The following YAF2 variants were observed in gnomAD, a reference collection of about 807,000 sequenced individuals.
YAF2 encodes the protein YY1 associated factor 2.
A neutral mutation model predicts 20.1 loss-of-function variants in YAF2; 7 were observed. The ratio of observed to expected loss-of-function variants is 0.35; its 90% CI spans 0.20 to 0.65. The LOEUF is 0.65. Ranked by LOEUF, YAF2 falls within the 30% of genes least tolerant of loss-of-function variation. The probability of loss-of-function intolerance (pLI) is 0.69; values close to 1 mark genes in which losing one functional copy is unlikely to be tolerated. For missense variants in YAF2, 151 were observed against 219.2 expected (o/e 0.69, Z 1.96); for synonymous variants, 74 against 76.0 (o/e 0.97, Z 0.14).
intron 2 of YAF2, 23 bp downstream of exon 2, chr12:42,237,576 C>G: frequency 1.3e-6 from 2 of 1,495,376 alleles, no homozygotes; most frequent in Non-Finnish European, 1.8e-6. Context: ...GCCGGCGGCG[C>G]GAGGGGCAGG....
In YAF2 at chr12:42,225,885, TTTAAA is replaced by T. The variant is rs200260045; in HGVS notation, c.152+11709_152+11713del. Among the ~76,000 whole-genome samples, 1,310 of 152,314 alleles carry T rather than the reference TTTAAA, an allele frequency of 8.6e-3. 19 individuals carry two copies. The highest frequency in any genetic ancestry group is 0.03 in the African/African-American group (1,255 of 41,560). On this transcript the variant is annotated intron_variant, in intron 2 of 3. Coordinates refer to ENST00000534854, the MANE Select transcript of YAF2 (RefSeq NM_005748.6). ...GGCTCTTTTTTGGTTCCACATGAAA[TTTAAA>T]TTAGTTTTTCTAATTCTGTGAAGAA...
chr12:42,207,727 C>T (rs1380707149), intron 2 of YAF2, among the ~76,000 whole-genome samples: 1 of 151,998 alleles, frequency 6.6e-6, no homozygotes, highest in Non-Finnish European at 1.5e-5. Context: ...CCCGTCTCTA[C>T]TAAAAATACA....
intron 2 of YAF2, among the ~76,000 whole-genome samples, chr12:42,184,718 T>G (rs2066427427): frequency 6.6e-6 from 1 of 152,192 alleles, no homozygotes; most frequent in Non-Finnish European, 1.5e-5. Context: ...TGGAAAGGCT[T>G]CGCCATTCTA....
At chr12:42,162,226 T>C (rs1255013691) in intron 2 of YAF2, among the ~76,000 whole-genome samples, 2 of 152,206 alleles carry the variant, frequency 1.3e-5, no homozygotes, top group African/African-American at 4.8e-5. Flanking sequence ...TAAACATTTA[T>C]TATCAAAATT....
At chr12:42,176,211 CAA>C (rs61068649) in intron 2 of YAF2, among the ~76,000 whole-genome samples, 32 of 89,186 alleles carry the variant, frequency 3.6e-4, no homozygotes, top group Admixed American at 5.1e-4. Flanking sequence ...GACTCTGTCT[CAA>C]AAAAAAAAAA....
At chr12:42,165,187 G>A (rs1286203356) in intron 2 of YAF2, among the ~76,000 whole-genome samples, 5 of 152,024 alleles carry the variant, frequency 3.3e-5, no homozygotes, top group East Asian at 1.9e-4. Context: ...GCCCTCATGC[G>A]CTAAAAATTA....
intron 2 of YAF2, among the ~76,000 whole-genome samples, chr12:42,194,118 T>G (rs2137117539): frequency 6.6e-6 from 1 of 152,332 alleles, no homozygotes; most frequent in South Asian, 2.1e-4. Flanking sequence ...TTAAAAAAAT[T>G]AATACTAAGC....
At chr12:42,222,555 A>G (rs2067551280) in intron 2 of YAF2, among the ~76,000 whole-genome samples, 1 of 152,186 alleles carries the variant, frequency 6.6e-6, no homozygotes, top group Non-Finnish European at 1.5e-5. Context: ...AACACAGTAA[A>G]GCACTATACA....
Position 42,157,652 on chromosome 12 carries a change from T to G in YAF2, c.*2937A>C, listed in dbSNP as rs1292203224. 1 of 152,194 alleles carries G rather than the reference T, an allele frequency of 6.6e-6. No individual in the cohort carries two copies. Among genetic ancestry groups the G allele is most frequent in the Non-Finnish European group, 1.5e-5 (1 of 68,034 alleles). 9.4% of individuals were successfully genotyped at this position (152,194 alleles called of 1,614,324 possible). On this transcript the variant is annotated 3_prime_UTR_variant, in exon 4 of 4. Transcript: ENST00000534854. ...TCTTCCTTTTTAAATGTTTTCACTT[T>G]GTCTATTATCCACTATCATTTTAGG...
At chr12:42,237,424 G>T in intron 2 of YAF2, 175 bp downstream of exon 2, 1 of 1,292,592 alleles carries the variant, frequency 7.7e-7, no homozygotes, top group Non-Finnish European at 9.8e-7. Context: ...ACCCCTCACC[G>T]CAAACCATCG....
At chr12:42,236,937 T>C (rs1333138269) in intron 2 of YAF2, among the ~76,000 whole-genome samples, 2 of 152,150 alleles carry the variant, frequency 1.3e-5, no homozygotes, top group Non-Finnish European at 2.9e-5. Context: ...TTACAATAAA[T>C]AAAGTCTGAA....
At chr12:42,237,392 A>C (rs763976642) in intron 2 of YAF2, 2 of 1,267,142 alleles carry the variant, frequency 1.6e-6, no homozygotes, top group Non-Finnish European at 2.0e-6. Flanking sequence ...TGGCAGCAAA[A>C]AACGTTACAG....
At chr12:42,227,174 C>A (rs1300942539) in intron 2 of YAF2, among the ~76,000 whole-genome samples, 1 of 145,134 alleles carries the variant, frequency 6.9e-6, no homozygotes, top group African/African-American at 2.6e-5. Flanking sequence ...GAGGAGCGGA[C>A]GGGCCCCACG....
At chr12:42,184,203 G>A (rs1330902924) in intron 2 of YAF2, among the ~76,000 whole-genome samples, 1 of 152,174 alleles carries the variant, frequency 6.6e-6, no homozygotes, top group Non-Finnish European at 1.5e-5. Context: ...TCACCCAAGA[G>A]CTCTAAGGGA....
intron 2 of YAF2, among the ~76,000 whole-genome samples, chr12:42,209,490 G>A (rs12298249): frequency 0.016 from 2,439 of 150,176 alleles, 64 homozygotes; most frequent in African/African-American, 0.057. Flanking sequence ...CTTGTGCCCA[G>A]GAGGCAGAAG....
chr12:42,207,699 T>C (rs543234850), intron 2 of YAF2, among the ~76,000 whole-genome samples: 135 of 151,946 alleles, frequency 8.9e-4, no homozygotes, highest in Middle Eastern at 3.4e-3. Flanking sequence ...AAGACCATCC[T>C]GGCTAACACG....
intron 2 of YAF2, among the ~76,000 whole-genome samples, chr12:42,218,185 A>AAACACACACACACACACAC (rs1555162626): frequency 7.1e-6 from 1 of 140,608 alleles, no homozygotes; most frequent in Non-Finnish European, 1.5e-5. Flanking sequence ...GCTACTAGGA[A>AAACACACACACACACACAC]ACACACACAC....
intron 2 of YAF2, among the ~76,000 whole-genome samples, chr12:42,169,628 G>A (rs1565600382): frequency 6.6e-6 from 1 of 152,010 alleles, no homozygotes; most frequent in Non-Finnish European, 1.5e-5. Flanking sequence ...GCCCAGGCTG[G>A]TCTCAAACTC....
At chr12:42,231,920 T>A (rs2067995076) in intron 2 of YAF2, 1 of 152,176 alleles carries the variant, frequency 6.6e-6, no homozygotes, top group Non-Finnish European at 1.5e-5. Flanking sequence ...ATGCTAAATA[T>A]CCAAGTCTGA....
Sources: allele counts gnomAD v4.1 joint callset (sites outside exome capture counted in the v4.1 genomes callset), GRCh38; gene constraint gnomAD v4.1.1; transcripts MANE v1.5; gene names NCBI Gene and HGNC (gene_info 2026-07-23, HGNC 2026-07-21).